POLD3: variants seen among roughly 807,000 people sequenced by gnomAD.
POLD3 encodes the protein DNA polymerase delta 3, accessory subunit.
In POLD3, 19 loss-of-function variants were observed where a neutral mutation model predicts 58.2. That is an observed-to-expected ratio of 0.33 (90% CI 0.23 to 0.48). The LOEUF is 0.48. POLD3 is among the 20% of genes least tolerant of loss of function. POLD3 has a pLI of 0.99. For synonymous variants in POLD3, 172 were observed against 193.5 expected (o/e 0.89, Z 0.92); for missense variants, 504 against 545.5 (o/e 0.92, Z 0.76).
intron 2 of POLD3, among the ~76,000 whole-genome samples, chr11:74,597,447 G>C (rs775234264): frequency 2.6e-5 from 4 of 152,290 alleles, no homozygotes; most frequent in Admixed American, 2.6e-4. Context: ...TACAGATCGT[G>C]TGCTTGTTAG....
In POLD3 at chr11:74,642,962, T is replaced by C. The variant is rs1426227058; in HGVS notation, c.*2196T>C. On this transcript the variant is annotated 3_prime_UTR_variant, in exon 12 of 12. Transcript: ENST00000263681. ...TTCATCTAGAAGAAAATCTAGCACA[T>C]TGTATTAGTTTGGCTTCATCACTTG... 4 of 982,712 alleles carry C rather than the reference T, an allele frequency of 4.1e-6. No individual in the cohort carries two copies. The African/African-American group carries it at 7.0e-5, about 17-fold the overall frequency. 60.9% of individuals were successfully genotyped at this position (982,712 alleles called of 1,614,324 possible).
At chr11:74,613,111 AC>A in intron 5 of POLD3, 101 bp downstream of exon 5, 1 of 1,022,330 alleles carries the variant, frequency 9.8e-7, no homozygotes, top group Non-Finnish European at 1.4e-6. Flanking sequence ...GTCTAGTAAA[AC>A]CCCATTTATC....
rs1048902616 is a variant in POLD3 at position 74,592,887 on chromosome 11, C to T, written c.60+169C>T. 243 of 1,446,016 alleles carry T rather than the reference C, an allele frequency of 1.7e-4. 1 individual carries two copies. Among genetic ancestry groups the T allele is most frequent in the Middle Eastern group, 2.4e-4 (1 of 4,198 alleles). 89.6% of individuals were successfully genotyped at this position (1,446,016 alleles called of 1,614,324 possible). A position where few individuals can be genotyped will look rare whatever the true frequency, so the allele number is the denominator to read the frequency against. ...CTGTGCCCCAGAGCGAGCGAGGACT[C>T]GTCGGGAAGGTCCTCCAGCACACAC... On this transcript the variant is annotated intron_variant, in intron 1 of 11. Coordinates refer to ENST00000263681, the MANE Select transcript of POLD3 (RefSeq NM_006591.3).
chr11:74,668,472 A>G (rs1791378101), intron 4 of POLD3, among the ~76,000 whole-genome samples: 1 of 152,254 alleles, frequency 6.6e-6, no homozygotes, highest in African/African-American at 2.4e-5. Context: ...AGCCAGACAC[A>G]AAAGCCTACA....
intron 4 of POLD3, among the ~76,000 whole-genome samples, chr11:74,658,220 A>G (rs1394477113): frequency 2.0e-5 from 3 of 152,224 alleles, no homozygotes; most frequent in African/African-American, 7.2e-5. Context: ...AAGCAAAAGC[A>G]GAAACCCCTG....
intron 10 of POLD3, among the ~76,000 whole-genome samples, chr11:74,635,631 T>C (rs1410571854): frequency 6.6e-6 from 1 of 152,172 alleles, no homozygotes; most frequent in Non-Finnish European, 1.5e-5. Context: ...CAGTGAGTTA[T>C]GATTGCACTT....
At chr11:74,601,311 G>T (rs2031488683) in intron 2 of POLD3, among the ~76,000 whole-genome samples, 2 of 152,116 alleles carry the variant, frequency 1.3e-5, no homozygotes, top group African/African-American at 4.8e-5. Context: ...TTGTTGTAAT[G>T]GAAAGAAACA....
chr11:74,668,476 G>A (rs1031027028), intron 4 of POLD3, among the ~76,000 whole-genome samples: 1 of 152,132 alleles, frequency 6.6e-6, no homozygotes, highest in African/African-American at 2.4e-5. Context: ...AGACACAAAA[G>A]CCTACATATC....
intron 2 of POLD3, among the ~76,000 whole-genome samples, chr11:74,599,312 A>G (rs576786256): frequency 5.6e-4 from 84 of 150,496 alleles, no homozygotes; most frequent in African/African-American, 1.9e-3. Context: ...GATTATAGGC[A>G]TGAGCCACCA....
intron 4 of POLD3, among the ~76,000 whole-genome samples, chr11:74,656,995 A>G (rs1030314821): frequency 3.9e-4 from 3 of 7,778 alleles, no homozygotes; most frequent in Non-Finnish European, 9.3e-4. Flanking sequence ...TACAATTGTT[A>G]TATCCTCTTG....
At chr11:74,634,780 G>A (rs1293820367) in intron 10 of POLD3, 85 bp downstream of exon 10, 1 of 782,192 alleles carries the variant, frequency 1.3e-6, no homozygotes, top group Non-Finnish European at 2.3e-6. Context: ...TAGTTCCCTT[G>A]CTGTATACTT....
At chr11:74,631,572 T>C (rs1295146248) in intron 9 of POLD3, among the ~76,000 whole-genome samples, 2 of 148,836 alleles carry the variant, frequency 1.3e-5, no homozygotes, top group Non-Finnish European at 3.0e-5. Flanking sequence ...GCAACCTCCG[T>C]CTCCCGGGTT....
intron 11 of POLD3, among the ~76,000 whole-genome samples, chr11:74,639,063 A>G (rs2032837308): frequency 6.6e-6 from 1 of 152,178 alleles, no homozygotes; most frequent in Non-Finnish European, 1.5e-5. Context: ...TCCAGTGGCA[A>G]TTGCACTTCA....
chr11:74,669,083 C>G (rs1173560136), exon 5 of POLD3: 3 of 261,706 alleles, frequency 1.1e-5, no homozygotes, highest in Non-Finnish European at 2.2e-5. Context: ...GTCAGAGGAC[C>G]CAGGGTCTCT....
At chr11:74,655,081 C>T (rs895360555) in intron 4 of POLD3, among the ~76,000 whole-genome samples, 4 of 152,314 alleles carry the variant, frequency 2.6e-5, no homozygotes, top group East Asian at 1.9e-4. Context: ...AAGGAAATGC[C>T]GAGGCAGACT....
At chr11:74,669,338 G>C (rs1347902970), downstream of POLD3, among the ~76,000 whole-genome samples, 1 of 152,210 alleles carries the variant, frequency 6.6e-6, no homozygotes, top group Non-Finnish European at 1.5e-5. Flanking sequence ...TTTGGTTGCA[G>C]TAAGCACAGG....
intron 3 of POLD3, among the ~76,000 whole-genome samples, chr11:74,606,904 C>A (rs1345933591): frequency 6.6e-6 from 1 of 152,028 alleles, no homozygotes; most frequent in Non-Finnish European, 1.5e-5. Flanking sequence ...CTTTTTCAAA[C>A]AAAATCTTAA....
At chr11:74,637,267 C>CTATT (rs1307712029) in intron 11 of POLD3, among the ~76,000 whole-genome samples, 1 of 152,100 alleles carries the variant, frequency 6.6e-6, no homozygotes, top group Non-Finnish European at 1.5e-5. Context: ...CCCTGTCCCA[C>CTATT]TATTCCCCAC....
At chr11:74,596,580 G>C (rs1469460042) in intron 2 of POLD3, among the ~76,000 whole-genome samples, 1 of 152,138 alleles carries the variant, frequency 6.6e-6, no homozygotes, top group African/African-American at 2.4e-5. Flanking sequence ...GTTAAATCTA[G>C]CTAATAAATG....
Sources: allele counts gnomAD v4.1 joint callset (sites outside exome capture counted in the v4.1 genomes callset), GRCh38; gene constraint gnomAD v4.1.1; transcripts MANE v1.5; gene names NCBI Gene and HGNC (gene_info 2026-07-23, HGNC 2026-07-21).